Variants in LHPP observed in about 807,000 individuals in gnomAD.
LHPP encodes the protein hLHPP.
In LHPP, 24 loss-of-function variants were observed where a neutral mutation model predicts 30.3. The observed-to-expected ratio is 0.79, with a 90% confidence interval of 0.57 to 1.11. The LOEUF is 1.11. LHPP is among the 50% of genes most tolerant of loss of function. The pLI is 0.00. For synonymous variants in LHPP, 150 were observed against 157.1 expected (o/e 0.95, Z 0.34); for missense variants, 356 against 367.2 (o/e 0.97, Z 0.25).
intron 6 of LHPP, among the ~76,000 whole-genome samples, chr10:124,558,159 A>C (rs1254264191): frequency 6.6e-6 from 1 of 151,956 alleles, no homozygotes; most frequent in African/African-American, 2.4e-5. Context: ...GCCACTTCCT[A>C]GTGGCCTTTC....
intron 6 of LHPP, among the ~76,000 whole-genome samples, chr10:124,574,440 G>C (rs1948631351): frequency 6.6e-6 from 1 of 152,218 alleles, no homozygotes. Context: ...CCTGGCTCGA[G>C]GATGGGCGGG....
intron 1 of LHPP, among the ~76,000 whole-genome samples, chr10:124,479,733 T>G (rs1953068121): frequency 6.6e-6 from 1 of 152,188 alleles, no homozygotes; most frequent in South Asian, 2.1e-4. Flanking sequence ...TGCCTTCATT[T>G]CACCTGAATT....
At chr10:124,498,631 C>T in intron 5 of LHPP, 3 of 642,844 alleles carry the variant, frequency 4.7e-6, no homozygotes, top group African/African-American at 3.7e-5. Flanking sequence ...AGTCTGGCTT[C>T]GTCCTCCAGT....
chr10:124,535,871 C>T (rs1472027054), intron 6 of LHPP, among the ~76,000 whole-genome samples: 1 of 152,260 alleles, frequency 6.6e-6, no homozygotes, highest in African/African-American at 2.4e-5. Flanking sequence ...AGGCCGTGGG[C>T]CCCTGAGCAC....
chr10:124,554,634 G>A (rs1315856120), intron 6 of LHPP, among the ~76,000 whole-genome samples: 8 of 152,316 alleles, frequency 5.3e-5, no homozygotes, highest in East Asian at 1.9e-4. Flanking sequence ...AGCCCTAGAC[G>A]AGCTGAAGGG....
intron 3 of LHPP, among the ~76,000 whole-genome samples, chr10:124,489,431 G>C (rs777144653): frequency 6.6e-6 from 1 of 152,148 alleles, no homozygotes; most frequent in Non-Finnish European, 1.5e-5. Flanking sequence ...TTGGGGCATG[G>C]TTATCTATGG....
intron 6 of LHPP, among the ~76,000 whole-genome samples, chr10:124,546,826 A>G (rs1339370070): frequency 6.6e-6 from 1 of 152,130 alleles, no homozygotes; most frequent in Admixed American, 6.6e-5. Flanking sequence ...CCACAGGCGT[A>G]CTTACTTTGT....
chr10:124,513,938 G>A (rs1954383710), intron 5 of LHPP, among the ~76,000 whole-genome samples: 1 of 152,168 alleles, frequency 6.6e-6, no homozygotes, highest in South Asian at 2.1e-4. Context: ...GGGAAGTCTT[G>A]TTTGCGCCTC....
intron 6 of LHPP, among the ~76,000 whole-genome samples, chr10:124,563,420 G>A (rs139965540): frequency 5.3e-4 from 79 of 150,288 alleles, no homozygotes; most frequent in African/African-American, 1.9e-3. Flanking sequence ...TATCCCAAAA[G>A]GTTATGTACT....
chr10:124,498,669 T>C, intron 5 of LHPP: 2 of 520,490 alleles, frequency 3.8e-6, no homozygotes, highest in Admixed American at 2.9e-5. Flanking sequence ...TCTTTTTTTT[T>C]TTTTTTTTTT....
At chr10:124,465,249 A>G (rs1056705360) in intron 1 of LHPP, among the ~76,000 whole-genome samples, 2 of 152,118 alleles carry the variant, frequency 1.3e-5, no homozygotes, top group African/African-American at 4.8e-5. Context: ...GACCTCAGGA[A>G]GAGAGCACTT....
chr10:124,565,318 G>A (rs1249873083), intron 6 of LHPP, among the ~76,000 whole-genome samples: 3 of 152,172 alleles, frequency 2.0e-5, no homozygotes, highest in Non-Finnish European at 4.4e-5. Flanking sequence ...GCAGAAGGAA[G>A]AGCTGGTCTC....
At chr10:124,488,232 G>GC (rs372632379) in intron 2 of LHPP, among the ~76,000 whole-genome samples, 190 bp from the exon 3 acceptor site, 144 of 152,312 alleles carry the variant, frequency 9.5e-4, no homozygotes, top group African/African-American at 3.2e-3. Flanking sequence ...TCTCTGAGGA[G>GC]CCGAATTCCC....
At chr10:124,526,899 C>A (rs1346252151) in intron 6 of LHPP, among the ~76,000 whole-genome samples, 1 of 152,240 alleles carries the variant, frequency 6.6e-6, no homozygotes, top group Non-Finnish European at 1.5e-5. Flanking sequence ...GGCCAGGCCG[C>A]AGCAAGCAGG....
intron 5 of LHPP, among the ~76,000 whole-genome samples, chr10:124,502,691 T>G (rs1440102378): frequency 8.9e-5 from 12 of 135,148 alleles, no homozygotes; most frequent in African/African-American, 3.4e-4. Context: ...TTTTTTTTTT[T>G]GAGCAGGAAT....
At chr10:124,504,875 G>A (rs546655482) in intron 5 of LHPP, among the ~76,000 whole-genome samples, 12 of 152,252 alleles carry the variant, frequency 7.9e-5, no homozygotes, top group South Asian at 4.1e-4. Context: ...TGGGTTTGTC[G>A]TTTTCGGATG....
At chr10:124,571,117 C>T (rs566115231) in intron 6 of LHPP, among the ~76,000 whole-genome samples, 17 of 152,328 alleles carry the variant, frequency 1.1e-4, no homozygotes, top group South Asian at 4.1e-4. Context: ...TCTGCCGTGA[C>T]GGTGAGGCCT....
chr10:124,547,742 G>GCCT (rs200772020), intron 6 of LHPP, among the ~76,000 whole-genome samples: 38,450 of 151,886 alleles, frequency 0.25, 7,292 homozygotes, highest in African/African-American at 0.52. Context: ...CTGACCAGCG[G>GCCT]GGCCATCGGG....
intron 1 of LHPP, among the ~76,000 whole-genome samples, chr10:124,480,526 A>T (rs1302563558): frequency 6.6e-6 from 1 of 152,206 alleles, no homozygotes; most frequent in African/African-American, 2.4e-5. Context: ...ATCATTCATT[A>T]GCAATAATTA....
Sources: allele counts gnomAD v4.1 joint callset (sites outside exome capture counted in the v4.1 genomes callset), GRCh38; gene constraint gnomAD v4.1.1; transcripts MANE v1.5; gene names NCBI Gene and HGNC (gene_info 2026-07-23, HGNC 2026-07-21).